The following HDAC9 variants were observed in gnomAD, a reference collection of about 807,000 sequenced individuals.
The protein encoded by HDAC9 is MEF-2 interacting transcription repressor (MITR) protein.
In HDAC9, 41 loss-of-function variants were observed where a neutral mutation model predicts 139.4. The observed-to-expected ratio is 0.29, with a 90% CI of 0.23 to 0.38. The LOEUF is 0.38. Among genes scored for constraint, HDAC9 ranks in the 10% least tolerant of loss-of-function variants. The pLI, the probability that HDAC9 is intolerant of heterozygous loss-of-function variation, is 1.00. For missense variants in HDAC9, 1,147 were observed against 1,297.0 expected, an observed-to-expected ratio of 0.88 and a Z score of 1.78; for synonymous variants, 517 against 476.2, an observed-to-expected ratio of 1.09 and a Z score of -1.12.
At chr7:18,886,705 C>G (rs1427047009) in intron 22 of HDAC9, among the ~76,000 whole-genome samples, 1 of 152,062 alleles carries the variant, frequency 6.6e-6, no homozygotes, top group Non-Finnish European at 1.5e-5. Context: ...TTTATATTTT[C>G]TTTACAGACT....
intron 4 of HDAC9, 56 bp downstream of exon 4, chr7:18,590,542 T>C: frequency 3.3e-6 from 5 of 1,511,586 alleles, no homozygotes; most frequent in Non-Finnish European, 4.5e-6. Flanking sequence ...AGCTGATCAT[T>C]ATTCAGAACA....
chr7:18,412,328 T>C (rs1401153259), intron 1 of HDAC9, among the ~76,000 whole-genome samples: 1 of 152,060 alleles, frequency 6.6e-6, no homozygotes, highest in Non-Finnish European at 1.5e-5. Context: ...AATATATAGC[T>C]CACTGAAAAA....
At chr7:18,720,854 A>G (rs1785094185) in intron 12 of HDAC9, among the ~76,000 whole-genome samples, 1 of 151,802 alleles carries the variant, frequency 6.6e-6, no homozygotes, top group Non-Finnish European at 1.5e-5. Context: ...TTTGTTGTTT[A>G]ATTTTTTATA....
chr7:18,899,474 G>A (rs1307218359), intron 22 of HDAC9: 3 of 151,950 alleles, frequency 2.0e-5, no homozygotes, highest in Non-Finnish European at 4.4e-5. Context: ...GAAGACTGTC[G>A]ATTGCCAATA....
At chr7:18,534,317 G>A (rs991590500) in intron 2 of HDAC9, among the ~76,000 whole-genome samples, 3 of 152,318 alleles carry the variant, frequency 2.0e-5, no homozygotes, top group East Asian at 3.9e-4. Flanking sequence ...CACTTTGGGA[G>A]GCTGAGGCAG....
chr7:18,629,007 A>T (rs1239220135), intron 6 of HDAC9, among the ~76,000 whole-genome samples: 1 of 152,168 alleles, frequency 6.6e-6, no homozygotes, highest in Non-Finnish European at 1.5e-5. Flanking sequence ...AATGAAGTAT[A>T]ATAAATCTTA....
chr7:18,689,886 G>T (rs1178080462), intron 12 of HDAC9, among the ~76,000 whole-genome samples: 2 of 151,842 alleles, frequency 1.3e-5, no homozygotes, highest in Middle Eastern at 3.2e-3. Context: ...ATTAAGAAAA[G>T]AAATCACATT....
At chr7:18,099,732 A>T (rs996051138) in intron 1 of HDAC9, among the ~76,000 whole-genome samples, 1 of 152,228 alleles carries the variant, frequency 6.6e-6, no homozygotes, top group African/African-American at 2.4e-5. Flanking sequence ...CAGATCTGAA[A>T]TATTGTTGTG....
intron 1 of HDAC9, among the ~76,000 whole-genome samples, chr7:18,092,034 G>C (rs1206845092): frequency 6.6e-6 from 1 of 152,116 alleles, no homozygotes; most frequent in African/African-American, 2.4e-5. Flanking sequence ...GCTATACAAG[G>C]GCATGACTCC....
chr7:18,279,716 G>GA (rs1584979149), intron 2 of HDAC9, among the ~76,000 whole-genome samples: 2 of 151,674 alleles, frequency 1.3e-5, no homozygotes, highest in East Asian at 3.9e-4. Flanking sequence ...CACCCCCCTC[G>GA]ACCCCCCAAA....
intron 12 of HDAC9, chr7:18,667,187 T>A (rs1403024033): frequency 1.0e-6 from 1 of 985,230 alleles, no homozygotes; most frequent in East Asian, 1.1e-4. Flanking sequence ...TTACTTTTAT[T>A]TTGTGTAATT....
chr7:18,573,830 C>A (rs1029965514), intron 2 of HDAC9, among the ~76,000 whole-genome samples: 1 of 152,152 alleles, frequency 6.6e-6, no homozygotes, highest in Non-Finnish European at 1.5e-5. Context: ...ACCACTGAAC[C>A]CCAAAGAGAG....
intron 2 of HDAC9, among the ~76,000 whole-genome samples, chr7:18,254,245 A>G (rs891577422): frequency 6.6e-6 from 1 of 152,226 alleles, no homozygotes; most frequent in African/African-American, 2.4e-5. Context: ...AAGTAACTCT[A>G]TTTCAAATCT....
intron 2 of HDAC9, among the ~76,000 whole-genome samples, chr7:18,179,245 C>T (rs993347276): frequency 6.6e-6 from 1 of 152,186 alleles, no homozygotes; most frequent in Non-Finnish European, 1.5e-5. Context: ...CTGACTGATG[C>T]AATAGTCCAG....
intron 1 of HDAC9, among the ~76,000 whole-genome samples, chr7:18,420,962 C>A (rs1287108919): frequency 6.6e-6 from 1 of 152,312 alleles, no homozygotes; most frequent in African/African-American, 2.4e-5. Context: ...GAAGTAACAG[C>A]TCATGCAAAG....
At chr7:18,209,942 C>T (rs190342101) in intron 2 of HDAC9, among the ~76,000 whole-genome samples, 38 of 152,070 alleles carry the variant, frequency 2.5e-4, no homozygotes, top group African/African-American at 7.2e-4. Flanking sequence ...CCTCGTGATC[C>T]GCCCTCCTTG....
chr7:18,502,220 A>G (rs1201888258), intron 2 of HDAC9: 3 of 152,230 alleles, frequency 2.0e-5, no homozygotes, highest in Non-Finnish European at 4.4e-5. Context: ...CTCCAGAGAC[A>G]AAGAGGGGAA....
intron 1 of HDAC9, among the ~76,000 whole-genome samples, chr7:18,326,400 G>T (rs189425457): frequency 6.6e-6 from 1 of 152,034 alleles, no homozygotes; most frequent in East Asian, 1.9e-4. Context: ...GTAGATGTTG[G>T]ATAACACATA....
chr7:18,223,346 G>A (rs1051858167), intron 2 of HDAC9, among the ~76,000 whole-genome samples: 1 of 149,744 alleles, frequency 6.7e-6, no homozygotes, highest in Non-Finnish European at 1.5e-5. Context: ...TTTTGCTTAT[G>A]GTTTCTGGCT....
Sources: allele counts gnomAD v4.1 joint callset (sites outside exome capture counted in the v4.1 genomes callset), GRCh38; gene constraint gnomAD v4.1.1; transcripts MANE v1.5; gene names NCBI Gene and HGNC (gene_info 2026-07-23, HGNC 2026-07-21).